The following WDFY4 variants were observed in gnomAD, a reference collection of about 807,000 sequenced individuals.
WDFY4 encodes WD repeat- and FYVE domain-containing protein 4.
In WDFY4, 169 loss-of-function variants were observed where a neutral mutation model predicts 351.9. The observed-to-expected ratio is 0.48, with a 90% confidence interval of 0.42 to 0.55. The LOEUF (loss-of-function observed/expected upper bound fraction) is 0.55. Among genes scored for constraint, WDFY4 ranks in the 20% least tolerant of loss-of-function variants. The pLI, the probability that WDFY4 is intolerant of heterozygous loss-of-function variation, is 0.00. For synonymous variants in WDFY4, 1,622 were observed against 1,574.6 expected (o/e 1.03, Z -0.71); for missense variants, 3,803 against 3,935.6 (o/e 0.97, Z 0.90).
intron 47 of WDFY4, among the ~76,000 whole-genome samples, chr10:48,927,233 C>T (rs938905263): frequency 6.6e-6 from 1 of 152,156 alleles, no homozygotes; most frequent in Non-Finnish European, 1.5e-5. Flanking sequence ...CGAACCCTCC[C>T]CCCTGCTTCC....
chr10:48,966,401 G>T, intron 54 of WDFY4, 125 bp from the exon 55 acceptor site: 3 of 1,061,536 alleles, frequency 2.8e-6, no homozygotes, highest in Non-Finnish European at 4.0e-6. Context: ...TTCATGTTCA[G>T]CTCTGTCAGG....
At chr10:48,754,367 A>C (rs1414478178) in intron 12 of WDFY4, among the ~76,000 whole-genome samples, 1 of 151,794 alleles carries the variant, frequency 6.6e-6, no homozygotes, top group Non-Finnish European at 1.5e-5. Flanking sequence ...CTTTGCTTGA[A>C]ATGCTTTTCC....
chr10:48,859,154 G>A (rs1221813820), intron 39 of WDFY4, among the ~76,000 whole-genome samples: 2 of 152,076 alleles, frequency 1.3e-5, no homozygotes, highest in Non-Finnish European at 2.9e-5. Context: ...AACAGAATCA[G>A]GGTATCTACA....
At chr10:48,848,957 C>A (rs570201911) in intron 39 of WDFY4, among the ~76,000 whole-genome samples, 1 of 152,278 alleles carries the variant, frequency 6.6e-6, no homozygotes, top group East Asian at 1.9e-4. Flanking sequence ...GTTACCATTG[C>A]GTCCAGTGAG....
chr10:48,935,607 T>A (rs753039044), intron 47 of WDFY4, among the ~76,000 whole-genome samples: 30 of 152,268 alleles, frequency 2.0e-4, no homozygotes, highest in Non-Finnish European at 4.0e-4. Context: ...CTTTGGTTTT[T>A]GAGAGGGCTG....
chr10:48,921,880 G>A (rs1839114131), intron 47 of WDFY4, among the ~76,000 whole-genome samples: 1 of 152,028 alleles, frequency 6.6e-6, no homozygotes, highest in African/African-American at 2.4e-5. Flanking sequence ...AATGCAAAAT[G>A]GTATAGTCTC....
rs541099202 is a variant in WDFY4 at position 48,961,185 on chromosome 10, C to A, written c.8223+1372C>A. Among the ~76,000 whole-genome samples the A allele has an allele frequency of 2.0e-5, 3 of 152,324 alleles. No individual in the cohort carries two copies. In the East Asian group the frequency reaches 5.8e-4, roughly 29 times the overall value. Reference sequence around the variant, plus strand: ...AAGAGAAAGTTCTTCTTGTTTTATTCTTGCCTCTGGAAACTCAGTGATAGG... The same window carrying A: ...AAGAGAAAGTTCTTCTTGTTTTATTATTGCCTCTGGAAACTCAGTGATAGG... On this transcript the variant is annotated intron_variant, in intron 53 of 61. Transcript: ENST00000325239.
intron 1 of WDFY4, among the ~76,000 whole-genome samples, chr10:48,691,149 A>G (rs1384191192): frequency 1.3e-5 from 2 of 152,148 alleles, no homozygotes; most frequent in Non-Finnish European, 2.9e-5. Context: ...CAGGGGCAAC[A>G]TCAACAGGAG....
chr10:48,743,900 C>G (rs988381648), intron 12 of WDFY4, among the ~76,000 whole-genome samples: 1 of 152,106 alleles, frequency 6.6e-6, no homozygotes, highest in Non-Finnish European at 1.5e-5. Flanking sequence ...CAGGCAGCCT[C>G]GGTCTTCTCA....
At chr10:48,766,611 T>C (rs10857635) in intron 13 of WDFY4, among the ~76,000 whole-genome samples, 1 of 151,646 alleles carries the variant, frequency 6.6e-6, no homozygotes, top group African/African-American at 2.4e-5. Context: ...ACCTAAAAAC[T>C]AAAAACTAAA....
intron 58 of WDFY4, chr10:48,975,263 G>A (rs1842517796): frequency 4.5e-6 from 3 of 672,986 alleles, no homozygotes; most frequent in East Asian, 2.8e-5. Context: ...GGGACAGTGG[G>A]AAGTGTCTGC....
chr10:48,729,657 CT>C, intron 8 of WDFY4, 68 bp downstream of exon 8: 1 of 1,516,920 alleles, frequency 6.6e-7, no homozygotes, highest in Non-Finnish European at 8.9e-7. Flanking sequence ...TACAGAGGGT[CT>C]TCTCCTGATT....
chr10:48,782,887 C>T (rs1481351797), intron 19 of WDFY4, among the ~76,000 whole-genome samples: 6 of 152,106 alleles, frequency 3.9e-5, no homozygotes, highest in African/African-American at 1.4e-4. Flanking sequence ...AGTGTGCATA[C>T]ACTGGGAATT....
intron 47 of WDFY4, among the ~76,000 whole-genome samples, chr10:48,921,960 A>G (rs900494953): frequency 3.9e-5 from 6 of 152,212 alleles, no homozygotes; most frequent in Non-Finnish European, 8.8e-5. Context: ...CATTTTCCCA[A>G]CTAAGTATTT....
rs556802159 is a variant in WDFY4 at position 48,743,417 on chromosome 10, C to T, written c.2328C>T (p.Gly776=). The change falls in exon 12 of 62, where the codon GGC becomes GGT. Residue 776 remains glycine (G), a synonymous_variant. Coordinates refer to ENST00000325239, the MANE Select transcript of WDFY4 (RefSeq NM_001394531.1). ...GCTTTCTGGACAGCATGGCCAGCGGCACCCTCCACTTGCGTGGGGACCTGA... is the reference window on the plus strand; with the variant it reads ...GCTTTCTGGACAGCATGGCCAGCGGTACCCTCCACTTGCGTGGGGACCTGA... ...ILGFLDSMAS[G]TLHLRGDLKE... is the part of the protein sequence containing the mutation. 94 of 1,551,478 alleles carry T rather than the reference C, an allele frequency of 6.1e-5. No homozygotes were observed. In the East Asian group the frequency reaches 2.3e-3, roughly 38 times the overall value.
intron 11 of WDFY4, among the ~76,000 whole-genome samples, chr10:48,737,811 C>A (rs1339601864): frequency 6.6e-6 from 1 of 152,108 alleles, no homozygotes; most frequent in African/African-American, 2.4e-5. Flanking sequence ...AGAGATATAT[C>A]AAAAATAAAG....
intron 24 of WDFY4, chr10:48,802,637 A>C (rs1042995827): frequency 8.6e-6 from 4 of 465,992 alleles, no homozygotes; most frequent in Non-Finnish European, 1.8e-5. Flanking sequence ...TAGCAGCTAC[A>C]TTTGTTTACT....
chr10:48,810,748 C>T lies in WDFY4; in HGVS notation c.5044+13C>T. ...GATATTGTAATGGGTGAGCACGTGG[C>T]TGTCTCCAGGGAGTGGGGCACCACC... On this transcript the variant is annotated intron_variant, in intron 29 of 61. Transcript: ENST00000325239. 5 of 1,508,998 alleles carry T rather than the reference C, an allele frequency of 3.3e-6. No individual in the cohort carries two copies. Among genetic ancestry groups the T allele is most frequent in the East Asian group, 2.5e-5 (1 of 40,456 alleles). 93.5% of individuals were successfully genotyped at this position (1,508,998 alleles called of 1,614,324 possible). A position where few individuals can be genotyped will look rare whatever the true frequency, so the allele number is the denominator to read the frequency against.
chr10:48,691,484 C>T (rs2063194772), intron 1 of WDFY4, among the ~76,000 whole-genome samples: 1 of 152,180 alleles, frequency 6.6e-6, no homozygotes. Context: ...CGGCTGGCAA[C>T]CCGGCCTGGC....
Sources: allele counts gnomAD v4.1 joint callset (sites outside exome capture counted in the v4.1 genomes callset), GRCh38; gene constraint gnomAD v4.1.1; transcripts MANE v1.5; gene names NCBI Gene and HGNC (gene_info 2026-07-23, HGNC 2026-07-21).